The following ATXN7L1 variants were observed in gnomAD, a reference collection of about 807,000 sequenced individuals.
ATXN7L1 encodes ataxin 7 like 1.
ATXN7L1 carries 15 observed loss-of-function variants against 70.8 expected under a neutral mutation model. The observed-to-expected ratio is 0.21, with a 90% CI of 0.14 to 0.33. ATXN7L1 has a LOEUF of 0.33. Ranked by LOEUF, ATXN7L1 falls within the 10% of genes least tolerant of loss-of-function variation. ATXN7L1 has a pLI of 1.00. For missense variants in ATXN7L1, 975 were observed against 1,097.1 expected (o/e 0.89, Z 1.57); for synonymous variants, 440 against 445.1 (o/e 0.99, Z 0.14).
intron 2 of ATXN7L1, chr7:105,820,008 G>T: frequency 2.2e-6 from 1 of 451,102 alleles, no homozygotes; most frequent in Non-Finnish European, 4.4e-6. Context: ...AGAAGAAACA[G>T]CTCATGAGGC....
chr7:105,746,190 G>A (rs775664032), intron 3 of ATXN7L1, among the ~76,000 whole-genome samples: 1 of 152,184 alleles, frequency 6.6e-6, no homozygotes, highest in Non-Finnish European at 1.5e-5. Context: ...CTGCTCGGCT[G>A]GACTTTTACA....
chr7:105,758,280 G>A (rs1800056256), intron 3 of ATXN7L1, among the ~76,000 whole-genome samples: 2 of 152,170 alleles, frequency 1.3e-5, no homozygotes, highest in African/African-American at 4.8e-5. Flanking sequence ...CTCCTCCTGG[G>A]CTGGGCTCAA....
At chr7:105,751,188 C>T (rs969540473) in intron 3 of ATXN7L1, among the ~76,000 whole-genome samples, 1 of 152,042 alleles carries the variant, frequency 6.6e-6, no homozygotes, top group East Asian at 1.9e-4. Flanking sequence ...TGGGATTACT[C>T]CATACTCCAT....
chr7:105,745,777 A>G (rs1241426524), intron 3 of ATXN7L1, among the ~76,000 whole-genome samples: 1 of 152,206 alleles, frequency 6.6e-6, no homozygotes, highest in Non-Finnish European at 1.5e-5. Flanking sequence ...TGGAGCCATG[A>G]TGTGAAAAAT....
chr7:105,852,659 C>CT (rs1815048205), intron 2 of ATXN7L1, among the ~76,000 whole-genome samples: 1 of 151,810 alleles, frequency 6.6e-6, no homozygotes, highest in Non-Finnish European at 1.5e-5. Context: ...CCTCGGCTGG[C>CT]TTATCTCGGA....
intron 9 of ATXN7L1, among the ~76,000 whole-genome samples, chr7:105,616,620 G>A (rs1000227390): frequency 6.6e-6 from 1 of 152,186 alleles, no homozygotes; most frequent in African/African-American, 2.4e-5. Flanking sequence ...TGAATGGATG[G>A]ATGAATGGGT....
chr7:105,785,325 G>A (rs1804131872), intron 3 of ATXN7L1, among the ~76,000 whole-genome samples: 1 of 152,188 alleles, frequency 6.6e-6, no homozygotes, highest in Non-Finnish European at 1.5e-5. Context: ...AATTAGCCAA[G>A]TGTGGTGGCG....
At chr7:105,669,481 G>T (rs899475238) in intron 3 of ATXN7L1, among the ~76,000 whole-genome samples, 65 of 152,038 alleles carry the variant, frequency 4.3e-4, no homozygotes, top group Non-Finnish European at 8.5e-4. Context: ...GTTTTTTTTG[G>T]TTGTTTGATG....
At chr7:105,641,214 C>CTCTCTTTTTTT (rs1316374331) in intron 5 of ATXN7L1, among the ~76,000 whole-genome samples, 11 of 21,780 alleles carry the variant, frequency 5.1e-4, no homozygotes, top group Non-Finnish European at 8.6e-4. Flanking sequence ...CTCTCTCTCT[C>CTCTCTTTTTTT]TTTTTTTTTT....
intron 3 of ATXN7L1, among the ~76,000 whole-genome samples, chr7:105,675,417 G>A (rs1231714405): frequency 6.6e-6 from 1 of 152,144 alleles, no homozygotes; most frequent in Non-Finnish European, 1.5e-5. Flanking sequence ...GAGGTCAGGA[G>A]TTTGAGACCA....
chr7:105,745,763 A>G (rs377091086), intron 3 of ATXN7L1, among the ~76,000 whole-genome samples: 4 of 152,330 alleles, frequency 2.6e-5, no homozygotes, highest in African/African-American at 9.6e-5. Flanking sequence ...CTGTTTACCC[A>G]GAGTGGAGCC....
At chr7:105,845,177 C>T (rs1439145401) in intron 2 of ATXN7L1, among the ~76,000 whole-genome samples, 1 of 118,990 alleles carries the variant, frequency 8.4e-6, no homozygotes, top group African/African-American at 3.3e-5. Context: ...TGCATTCCAG[C>T]CTGTGTGACA....
intron 3 of ATXN7L1, among the ~76,000 whole-genome samples, chr7:105,685,872 A>C (rs1486173997): frequency 6.6e-6 from 1 of 152,192 alleles, no homozygotes; most frequent in Non-Finnish European, 1.5e-5. Flanking sequence ...CAGGGAATAA[A>C]TGGTCTTCAC....
chr7:105,782,582 C>T (rs1407181654), intron 3 of ATXN7L1, among the ~76,000 whole-genome samples: 1 of 152,208 alleles, frequency 6.6e-6, no homozygotes, highest in Admixed American at 6.5e-5. Flanking sequence ...GGCACACGAT[C>T]AGGAGCAGAA....
In ATXN7L1 at chr7:105,703,328, A is replaced by T; in HGVS notation, c.356-38040T>A. 2.6e-5 allele frequency among the ~76,000 whole-genome samples: 4 copies of T among 151,624 alleles called. 1 individual carries two copies. In the Middle Eastern group the frequency reaches 0.01, roughly 387 times the overall value. On this transcript the variant is annotated intron_variant, in intron 3 of 11. Coordinates refer to ENST00000419735, the MANE Select transcript of ATXN7L1 (RefSeq NM_020725.2). ...CTCAAAAAAAAAAAAAAAGCACTTA[A>T]GTATAACTTGTATTTTATTGTTTGT...
At chr7:105,745,342 C>T (rs577646033) in intron 3 of ATXN7L1, among the ~76,000 whole-genome samples, 2 of 151,986 alleles carry the variant, frequency 1.3e-5, no homozygotes, top group South Asian at 2.1e-4. Flanking sequence ...CTTCCTCTCC[C>T]CAGAGGAGCA....
intron 3 of ATXN7L1, among the ~76,000 whole-genome samples, chr7:105,699,575 A>G (rs1166977877): frequency 1.3e-5 from 2 of 152,130 alleles, no homozygotes; most frequent in African/African-American, 4.8e-5. Flanking sequence ...AAACTTTTTG[A>G]CCCTAATTTA....
intron 3 of ATXN7L1, among the ~76,000 whole-genome samples, chr7:105,755,047 G>GA (rs138980228): frequency 0.27 from 41,226 of 151,896 alleles, 6,530 homozygotes; most frequent in African/African-American, 0.44. Context: ...GTCCAACAAG[G>GA]AAAAAAGAAA....
At position 105,614,760 on chromosome 7, in the gene ATXN7L1, G is replaced by T. The variant is rs138342540; in HGVS notation, c.1574C>A (p.Thr525Asn). The change falls in exon 10 of 12, where the codon ACC (threonine) becomes AAC (asparagine). Residue 525 changes from threonine to asparagine, a missense_variant. Transcript: ENST00000419735. This position sits in a 1 kb window ranked among gnomAD's most constrained non-coding sequence, Gnocchi z 4.3. ...PLPSPAAHIT[T>N]PVPASVLQPF... ...CTGCAAAACGGATGCTGGAACGGGG[G>T]TGGTGATGTGGGCTGCTGGCGAGGG... 5.4e-5 allele frequency: 84 copies of T among 1,551,774 alleles called. No homozygotes were observed. The highest frequency in any genetic ancestry group is 7.1e-5 in the Non-Finnish European group (82 of 1,147,004).
Sources: gnomAD v4.1 joint callset for allele counts (sites outside exome capture counted in the v4.1 genomes callset) on GRCh38, gnomAD v4.1.1 for gene constraint, Gnocchi (gnomAD v3.1) non-coding constraint, MANE v1.5 for transcripts, NCBI Gene and HGNC (gene_info 2026-07-23, HGNC 2026-07-21) for gene names.